Variants in MACROD2 observed in about 807,000 individuals in gnomAD.
MACROD2 encodes the protein mono-ADP ribosylhydrolase 2, also known as ADP-ribose glycohydrolase MACROD2.
In MACROD2, 36 loss-of-function variants were observed where a neutral mutation model predicts 70.4. That is an observed-to-expected ratio of 0.51 (90% CI 0.39 to 0.68). The LOEUF is 0.68. Ranked by LOEUF, MACROD2 falls within the 30% of genes least tolerant of loss-of-function variation. MACROD2 has a pLI of 0.00. For missense variants in MACROD2, 496 were observed against 538.4 expected (o/e 0.92, Z 0.78); for synonymous variants, 172 against 178.8 (o/e 0.96, Z 0.30).
At chr20:14,175,919 T>C (rs2081260056) in intron 3 of MACROD2, among the ~76,000 whole-genome samples, 1 of 152,216 alleles carries the variant, frequency 6.6e-6, no homozygotes, top group South Asian at 2.1e-4. Flanking sequence ...CAACCTAATG[T>C]CTTATAGGCA....
intron 3 of MACROD2, among the ~76,000 whole-genome samples, chr20:14,202,666 A>C (rs1028107159): frequency 2.0e-5 from 3 of 152,256 alleles, no homozygotes; most frequent in South Asian, 2.1e-4. Flanking sequence ...ATAATAATGT[A>C]GGTATTCTAC....
chr20:15,602,166 G>A (rs1256590878), intron 8 of MACROD2, among the ~76,000 whole-genome samples: 1 of 152,196 alleles, frequency 6.6e-6, no homozygotes, highest in African/African-American at 2.4e-5. Context: ...TGATGGGAGT[G>A]TTAAGCTGGA....
At chr20:15,536,742 T>A (rs1022962495) in intron 8 of MACROD2, among the ~76,000 whole-genome samples, 1 of 152,208 alleles carries the variant, frequency 6.6e-6, no homozygotes, top group Non-Finnish European at 1.5e-5. Flanking sequence ...TGCTCTTCGG[T>A]GCGTTTCTGG....
At chr20:15,989,564 A>G (rs958129080) in intron 15 of MACROD2, among the ~76,000 whole-genome samples, 1 of 152,160 alleles carries the variant, frequency 6.6e-6, no homozygotes, top group South Asian at 2.1e-4. Flanking sequence ...AAACTAGTAA[A>G]TAAATTCAAA....
chr20:14,484,433 TACAA>T (rs1463130335), intron 3 of MACROD2, among the ~76,000 whole-genome samples: 1 of 152,198 alleles, frequency 6.6e-6, no homozygotes, highest in Non-Finnish European at 1.5e-5. Flanking sequence ...GCCTTTGTGT[TACAA>T]ACAATCTAAT....
At chr20:15,439,705 G>A (rs2046471389) in intron 7 of MACROD2, among the ~76,000 whole-genome samples, 2 of 152,122 alleles carry the variant, frequency 1.3e-5, no homozygotes, top group South Asian at 4.1e-4. Flanking sequence ...CCTGGAAGAG[G>A]CCAGACTTTT....
intron 3 of MACROD2, among the ~76,000 whole-genome samples, chr20:14,493,188 A>G (rs1162337352): frequency 2.0e-5 from 3 of 152,026 alleles, no homozygotes; most frequent in Non-Finnish European, 4.4e-5. Context: ...ATTAATTTAG[A>G]TACAGAATTG....
intron 5 of MACROD2, among the ~76,000 whole-genome samples, chr20:14,803,789 ATTAAT>A (rs1441931782): frequency 6.6e-6 from 1 of 151,994 alleles, no homozygotes; most frequent in East Asian, 1.9e-4. Context: ...CCTGTTCTTT[ATTAAT>A]TTAAAGTTTG....
At chr20:14,661,313 G>GT (rs1229042536) in intron 4 of MACROD2, among the ~76,000 whole-genome samples, 2 of 151,922 alleles carry the variant, frequency 1.3e-5, no homozygotes, top group African/African-American at 4.8e-5. Flanking sequence ...GATTTTGAGC[G>GT]TTTTTTCATA....
chr20:15,287,481 A>G (rs1198095244), intron 6 of MACROD2, among the ~76,000 whole-genome samples: 2 of 152,210 alleles, frequency 1.3e-5, no homozygotes, highest in African/African-American at 2.4e-5. Context: ...AGGGAGAACC[A>G]TGAGGTTTAT....
rs1439222789 is a variant in MACROD2 at position 14,263,861 on chromosome 20, A to C, written c.271+178133A>C. The stretch of plus-strand genomic sequence containing the variant: ...GGCCTGCTAACTTTTACTCCCAGTT[A>C]CTTGGGAAGCTGCAGCAGGAGGATC... On this transcript the variant is annotated intron_variant, in intron 3 of 17. Transcript: ENST00000684519. Among the ~76,000 whole-genome samples the C allele has an allele frequency of 2.0e-5, 3 of 150,952 alleles. No homozygotes were observed. The East Asian group carries it at 5.9e-4, about 29-fold the overall frequency.
chr20:14,179,140 C>T (rs888530381), intron 3 of MACROD2, among the ~76,000 whole-genome samples: 7 of 152,154 alleles, frequency 4.6e-5, no homozygotes, highest in Admixed American at 3.9e-4. Flanking sequence ...GACTATGTCT[C>T]ATGATGTAGC....
intron 3 of MACROD2, among the ~76,000 whole-genome samples, chr20:14,359,023 C>CA (rs1375911639): frequency 6.6e-6 from 1 of 151,898 alleles, no homozygotes; most frequent in African/African-American, 2.4e-5. Context: ...CTCATCTCTA[C>CA]AAAAAATTTA....
intron 5 of MACROD2, among the ~76,000 whole-genome samples, chr20:14,909,585 C>A (rs971252868): frequency 2.0e-5 from 3 of 151,828 alleles, no homozygotes; most frequent in Admixed American, 6.6e-5. Context: ...ATATAAGCCA[C>A]CTGTATAGCT....
intron 5 of MACROD2, among the ~76,000 whole-genome samples, chr20:14,692,019 A>G (rs1393639302): frequency 1.3e-5 from 2 of 152,170 alleles, no homozygotes; most frequent in African/African-American, 4.8e-5. Context: ...AGTTTCATAC[A>G]TTTAATCTCC....
intron 5 of MACROD2, among the ~76,000 whole-genome samples, chr20:15,161,208 A>G (rs2145874922): frequency 6.6e-6 from 1 of 152,124 alleles, no homozygotes; most frequent in African/African-American, 2.4e-5. Context: ...AAATCTGAAA[A>G]TGATTAACAC....
chr20:14,585,278 C>A (rs1600417493), intron 4 of MACROD2, among the ~76,000 whole-genome samples: 1 of 152,116 alleles, frequency 6.6e-6, no homozygotes, highest in East Asian at 1.9e-4. Context: ...AGCACATGTG[C>A]TTCTTACTGG....
chr20:14,021,800 G>C (rs1306252404), intron 2 of MACROD2, among the ~76,000 whole-genome samples: 1 of 152,198 alleles, frequency 6.6e-6, no homozygotes, highest in Admixed American at 6.5e-5. Context: ...TATCAGTGAA[G>C]AGGTGGTAGA....
intron 7 of MACROD2, among the ~76,000 whole-genome samples, chr20:15,477,435 T>TC (rs1184536053): frequency 2.0e-5 from 3 of 152,182 alleles, no homozygotes; most frequent in Non-Finnish European, 2.9e-5. Context: ...AGGTTTTTTT[T>TC]CATCAGATTC....
Sources: allele counts gnomAD v4.1 joint callset (sites outside exome capture counted in the v4.1 genomes callset), GRCh38; gene constraint gnomAD v4.1.1; transcripts MANE v1.5; gene names NCBI Gene and HGNC (gene_info 2026-07-23, HGNC 2026-07-21).